Variants in NEURL1B observed in about 807,000 individuals in gnomAD.
The protein encoded by NEURL1B is neuralized E3 ubiquitin protein ligase 1B.
In NEURL1B, 13 loss-of-function variants were observed where a neutral mutation model predicts 37.4. The observed-to-expected ratio is 0.35, with a 90% CI of 0.23 to 0.55. NEURL1B has a LOEUF of 0.55. NEURL1B is among the 20% of genes least tolerant of loss of function. The probability of loss-of-function intolerance (pLI) is 0.89; values close to 1 mark genes in which losing one functional copy is unlikely to be tolerated. For missense variants in NEURL1B, 790 were observed against 879.2 expected, an observed-to-expected ratio of 0.90 and a Z score of 1.28; for synonymous variants, 432 against 426.6, an observed-to-expected ratio of 1.01 and a Z score of -0.16.
In NEURL1B at chr5:172,665,485, C is replaced by CAGGTG. The variant is rs1358674636; in HGVS notation, c.32-4299_32-4295dup. On this transcript the variant is annotated intron_variant, in intron 1 of 4. Transcript: ENST00000369800. The surrounding 1 kb of genome is among the most constrained non-coding windows in gnomAD (Gnocchi z 4.1). ...GGAGGCCCCTCCCTGACAGGCAGTG[C>CAGGTG]AGGTGTGGCCGTGGCCCTGCTTTGC... is the stretch of plus-strand genomic sequence containing the variant. Among the ~76,000 whole-genome samples, 1 of 152,226 alleles carries CAGGTG rather than the reference C, an allele frequency of 6.6e-6. No homozygotes were observed. The highest frequency in any genetic ancestry group is 2.4e-5 in the African/African-American group (1 of 41,466).
chr5:172,655,364 A>T (rs1757752523), intron 1 of NEURL1B, among the ~76,000 whole-genome samples: 1 of 151,924 alleles, frequency 6.6e-6, no homozygotes, highest in Admixed American at 6.6e-5. Flanking sequence ...TCCCCCTCTG[A>T]AGGTCCTTTG....
Position 172,657,079 on chromosome 5 carries a change from G to T in NEURL1B, c.32-12706G>T, listed in dbSNP as rs1757810712. On this transcript the variant is annotated intron_variant, in intron 1 of 4. Transcript: ENST00000369800. This position sits in a 1 kb window ranked among gnomAD's most constrained non-coding sequence, Gnocchi z 4.0. ...CGTCCCCATGATGGATGACTGGTTG[G>T]CTAGGGAAGCAATTCTGCATGATAA... Among the ~76,000 whole-genome samples, 1 of 152,220 alleles carries T rather than the reference G, an allele frequency of 6.6e-6. No homozygotes were observed. The highest frequency in any genetic ancestry group is 6.5e-5 in the Admixed American group (1 of 15,282).
intron 3 of NEURL1B, 23 bp downstream of exon 3, chr5:172,684,161 G>A: frequency 8.2e-7 from 1 of 1,220,840 alleles, no homozygotes. Context: ...CCCCGCGTGC[G>A]CGAGGCCCCG....
At position 172,683,345 on chromosome 5, in the gene NEURL1B, C is replaced by T. The variant is rs971884909; in HGVS notation, c.578-74C>T. The T allele has an allele frequency of 3.7e-5, 47 of 1,254,534 alleles. No homozygotes were observed. The highest frequency in any genetic ancestry group is 4.5e-5 in the Non-Finnish European group (45 of 996,714). The allele number at this position is 1,254,534 out of a possible 1,614,324, so 77.7% of individuals were successfully genotyped here. ...GGTCGTGGAGGCCTGCAGGAGGCAG[C>T]GGGCGAGGAGGGGCTCGCGACCAGC... is the stretch of plus-strand genomic sequence containing the variant. On this transcript the variant is annotated intron_variant, in intron 2 of 4. Transcript: ENST00000369800. This position sits in a 1 kb window ranked among gnomAD's most constrained non-coding sequence, Gnocchi z 5.6.
Position 172,686,845 on chromosome 5 carries a change from C to A in NEURL1B, c.1588C>A (p.Arg530=). 6.4e-7 allele frequency: 1 copy of A among 1,550,976 alleles called. No homozygotes were observed. The highest frequency in any genetic ancestry group is 8.7e-7 in the Non-Finnish European group (1 of 1,146,930). Residue 530 remains arginine, a synonymous_variant, in exon 5 of 5, where the codon CGG becomes AGG. Transcript: ENST00000369800. The surrounding 1 kb of genome is among the most constrained non-coding windows in gnomAD (Gnocchi z 7.9). ...HMCLCHSCGL[R]LKRQARACCP... is the part of the protein sequence containing the mutation. ...GTGCCTGTGCCACAGCTGCGGCCTG[C>A]GGCTCAAGCGACAGGCCCGGGCCTG...
rs1258676444 is a variant in NEURL1B, at chr5:172,689,395, C to G, written c.*2470C>G. 1 of 152,202 alleles carries G rather than the reference C, an allele frequency of 6.6e-6. No homozygotes were observed. The highest frequency in any genetic ancestry group is 1.5e-5 in the Non-Finnish European group (1 of 68,042). 9.4% of individuals were successfully genotyped at this position (152,202 alleles called of 1,614,324 possible). Reference sequence around the variant, plus strand: ...CCTGCGTGAATCCTGTGCGGCAGGTCTTATTGCCATAATAAGTCACATCAA... The same window carrying G: ...CCTGCGTGAATCCTGTGCGGCAGGTGTTATTGCCATAATAAGTCACATCAA... On this transcript the variant is annotated 3_prime_UTR_variant, in exon 5 of 5. Coordinates refer to ENST00000369800, the MANE Select transcript of NEURL1B (RefSeq NM_001142651.3).
rs1382966965 is a variant in NEURL1B at position 172,676,073 on chromosome 5, C to T, written c.577+5743C>T. On this transcript the variant is annotated intron_variant, in intron 2 of 4. Transcript: ENST00000369800. This position sits in a 1 kb window ranked among gnomAD's most constrained non-coding sequence, Gnocchi z 4.5. ...GTCAGATTGAAAAAGCAATGCCAGTCGGGGGTCATGGCATAGCAGACCATA... is the reference window on the plus strand; with the variant it reads ...GTCAGATTGAAAAAGCAATGCCAGTTGGGGGTCATGGCATAGCAGACCATA... Among the ~76,000 whole-genome samples, 2 of 150,442 alleles carry T rather than the reference C, an allele frequency of 1.3e-5. No individual in the cohort carries two copies. Among genetic ancestry groups the T allele is most frequent in the Admixed American group, 1.3e-4 (2 of 15,034 alleles).
chr5:172,644,415 T>C (rs1326717301), intron 1 of NEURL1B, among the ~76,000 whole-genome samples: 2 of 152,202 alleles, frequency 1.3e-5, no homozygotes, highest in African/African-American at 4.8e-5. Context: ...CAGCCCGTGA[T>C]TTAGATAACA....
chr5:172,686,713 G>T lies in NEURL1B; in HGVS notation c.1456G>T (p.Val486Leu). The change falls in exon 5 of 5, where the codon GTG (valine) becomes TTG (leucine). Residue 486 changes from valine to leucine, a missense_variant. By Grantham distance (32) the Val-to-Leu change is conservative. Transcript: ENST00000369800. The surrounding 1 kb of genome is among the most constrained non-coding windows in gnomAD (Gnocchi z 7.9). ...CCCCAGCTCCCCGCTGAGCCCCCCG[G>T]TGTCCCCCGTGTTCTCCCCACCGGA... is the stretch of plus-strand genomic sequence containing the variant. ...TAPSSPLSPPVSPVFSPPEPA... is the reference protein window; with the variant it reads ...TAPSSPLSPPLSPVFSPPEPA... 6.4e-7 allele frequency: 1 copy of T among 1,551,088 alleles called. No individual in the cohort carries two copies.
chr5:172,683,691 G>A lies in NEURL1B; in HGVS notation c.850G>A (p.Ala284Thr). Residue 284 changes from alanine to threonine, a missense_variant, in exon 3 of 5, where the codon GCA becomes ACA. Physicochemically the swap from Ala to Thr is moderately conservative, Grantham distance 58 (BLOSUM62 0). Transcript: ENST00000369800. This position sits in a 1 kb window ranked among gnomAD's most constrained non-coding sequence, Gnocchi z 5.6. ...ALLEADLRFHATRGPDVSLSA... is the reference protein window; with the variant it reads ...ALLEADLRFHTTRGPDVSLSA... ...ACTGGAGGCCGACCTGCGCTTCCAC[G>A]CAACACGCGGGCCCGACGTGAGCCT... 1 of 1,346,452 alleles carries A rather than the reference G, an allele frequency of 7.4e-7. No homozygotes were observed. The allele number at this position is 1,346,452 out of a possible 1,614,324, so 83.4% of individuals were successfully genotyped here.
chr5:172,674,851 G>A (rs1758200332), intron 2 of NEURL1B, among the ~76,000 whole-genome samples: 1 of 152,192 alleles, frequency 6.6e-6, no homozygotes, highest in Non-Finnish European at 1.5e-5. Flanking sequence ...TCCTGACCAG[G>A]TAGGCATCAC....
intron 1 of NEURL1B, chr5:172,662,016 GT>G (rs2113288736): frequency 6.6e-6 from 1 of 152,348 alleles, no homozygotes; most frequent in South Asian, 2.1e-4. Context: ...GGAGAAAAAT[GT>G]TTCAGAACGT....
At chr5:172,681,186 C>A (rs1758344342) in intron 2 of NEURL1B, among the ~76,000 whole-genome samples, 1 of 152,172 alleles carries the variant, frequency 6.6e-6, no homozygotes, top group Non-Finnish European at 1.5e-5. Context: ...ACCTCCAACA[C>A]TAGGGATTAC....
In NEURL1B at chr5:172,684,101, C is replaced by T. The variant is rs1162981796; in HGVS notation, c.1260C>T (p.Ala420=). 5 of 1,272,208 alleles carry T rather than the reference C, an allele frequency of 3.9e-6. No homozygotes were observed. Among genetic ancestry groups the T allele is most frequent in the Non-Finnish European group, 4.0e-6 (4 of 1,009,004 alleles). 78.8% of individuals were successfully genotyped at this position (1,272,208 alleles called of 1,614,324 possible). Residue 420 remains alanine (A), a synonymous_variant, in exon 3 of 5, where the codon GCC becomes GCT. Coordinates refer to ENST00000369800, the MANE Select transcript of NEURL1B (RefSeq NM_001142651.3). The part of the protein sequence containing the change: ...DTTQALWAFF[A]VRGGVAGQLR... ...CGCAGGCGCTCTGGGCCTTCTTCGC[C>T]GTGCGCGGCGGCGTCGCGGGCCAGC... is the stretch of plus-strand genomic sequence containing the variant.
chr5:172,659,047 C>A lies in NEURL1B; in HGVS notation c.32-10738C>A, dbSNP rs1323172052. 2.6e-4 allele frequency among the ~76,000 whole-genome samples: 32 copies of A among 120,848 alleles called. 1 individual carries two copies. Among genetic ancestry groups the A allele is most frequent in the African/African-American group, 6.8e-4 (21 of 30,968 alleles). 79.3% of individuals were successfully genotyped at this position (120,848 alleles called of 152,430 possible). ...CCACCCCTGCCCGCCCCCCCCCCCCCAAAGCTTCCTTCCTGAGACCAAGCC... is the reference window on the plus strand; with the variant it reads ...CCACCCCTGCCCGCCCCCCCCCCCCAAAAGCTTCCTTCCTGAGACCAAGCC... On this transcript the variant is annotated intron_variant, in intron 1 of 4. Coordinates refer to ENST00000369800, the MANE Select transcript of NEURL1B (RefSeq NM_001142651.3).
chr5:172,684,765 C>T (rs987479185), intron 3 of NEURL1B, among the ~76,000 whole-genome samples: 2 of 152,180 alleles, frequency 1.3e-5, no homozygotes, highest in Non-Finnish European at 2.9e-5. Context: ...GGACAGGACA[C>T]ACTCCATGCC....
At position 172,683,938 on chromosome 5, in the gene NEURL1B, A is replaced by C; in HGVS notation, c.1097A>C (p.Lys366Thr). The change falls in exon 3 of 5, where the codon AAA becomes ACA. Residue 366 changes from lysine to threonine, a missense_variant. This residue lies in a region of NEURL1B where 460 missense variants were observed against 407.4 expected (regional missense o/e 1.13). Coordinates refer to ENST00000369800, the MANE Select transcript of NEURL1B (RefSeq NM_001142651.3). The surrounding 1 kb of genome is among the most constrained non-coding windows in gnomAD (Gnocchi z 5.6). ...PADPDALLDR[K>T]EYWVVARAGP... The stretch of plus-strand genomic sequence containing the variant: ...GACCCAGACGCGCTGCTCGACCGCA[A>C]AGAGTACTGGGTGGTGGCGCGCGCC... 1.4e-6 allele frequency: 2 copies of C among 1,403,906 alleles called. No individual in the cohort carries two copies. The highest frequency in any genetic ancestry group is 1.9e-6 in the Non-Finnish European group (2 of 1,073,460). 87.0% of individuals were successfully genotyped at this position (1,403,906 alleles called of 1,614,324 possible).
At chr5:172,651,049 A>G (rs1757653700) in intron 1 of NEURL1B, among the ~76,000 whole-genome samples, 2 of 152,214 alleles carry the variant, frequency 1.3e-5, no homozygotes, top group Admixed American at 1.3e-4. Flanking sequence ...GGAGTAGATA[A>G]TCGAAAAAGG....
At chr5:172,660,411 G>A (rs974574480) in intron 1 of NEURL1B, among the ~76,000 whole-genome samples, 1 of 152,174 alleles carries the variant, frequency 6.6e-6, no homozygotes, top group Non-Finnish European at 1.5e-5. Flanking sequence ...GCAGCATTGC[G>A]ACCTCTGGCC....
Sources: allele counts gnomAD v4.1 joint callset (sites outside exome capture counted in the v4.1 genomes callset), GRCh38; gene constraint gnomAD v4.1.1; regional missense constraint gnomAD v4.1.1; non-coding constraint Gnocchi (gnomAD v3.1); transcripts MANE v1.5; gene names NCBI Gene and HGNC (gene_info 2026-07-23, HGNC 2026-07-21).